The following FGF12 variants were observed in gnomAD, a reference collection of about 807,000 sequenced individuals.
FGF12 encodes the protein fibroblast growth factor 12.
FGF12 carries 14 observed loss-of-function variants against 23.6 expected under a neutral mutation model. That is an observed-to-expected ratio of 0.59 (90% CI 0.39 to 0.93). FGF12 has a LOEUF of 0.93. Ranked by LOEUF, FGF12 falls within the 40% of genes least tolerant of loss-of-function variation. The pLI is 0.00. For missense variants in FGF12, 175 were observed against 217.8 expected, an observed-to-expected ratio of 0.80 and a Z score of 1.24; for synonymous variants, 62 against 77.3, an observed-to-expected ratio of 0.80 and a Z score of 1.04.
Position 192,191,379 on chromosome 3 carries a change from G to C in FGF12, c.229-20723C>G, listed in dbSNP as rs145231757. Among the ~76,000 whole-genome samples the C allele has an allele frequency of 2.9e-3, 439 of 152,278 alleles. 2 individuals carry two copies. The highest frequency in any genetic ancestry group is 0.01 in the African/African-American group (421 of 41,532). Reference sequence around the variant, plus strand: ...ACCCTATTGTAAACTATTGACTTTGGTTGATAATGATATGTCAGTGCAGGG... The same window carrying C: ...ACCCTATTGTAAACTATTGACTTTGCTTGATAATGATATGTCAGTGCAGGG... On this transcript the variant is annotated intron_variant, in intron 4 of 5. Transcript: ENST00000445105.
intron 2 of FGF12, among the ~76,000 whole-genome samples, chr3:192,396,859 C>T (rs866404595): frequency 7.2e-5 from 11 of 152,164 alleles, no homozygotes; most frequent in Non-Finnish European, 2.9e-5. Flanking sequence ...AATGTAATTG[C>T]TGAGCATGAA....
At chr3:192,144,975 C>G (rs1329495668) in intron 5 of FGF12, among the ~76,000 whole-genome samples, 1 of 152,192 alleles carries the variant, frequency 6.6e-6, no homozygotes, top group East Asian at 1.9e-4. Flanking sequence ...TCAGGAGTTA[C>G]TTTTATCCTC....
chr3:192,154,626 G>T (rs1488098195), intron 5 of FGF12, among the ~76,000 whole-genome samples: 2 of 150,534 alleles, frequency 1.3e-5, no homozygotes, highest in East Asian at 3.9e-4. Context: ...TAGGCTGCTC[G>T]GGGGTCAGGG....
At position 192,336,194 on chromosome 3, in the gene FGF12, G is replaced by GCA. The variant is rs139964441; in HGVS notation, c.125-732_125-731dup. On this transcript the variant is annotated intron_variant, in intron 3 of 5. Transcript: ENST00000445105. The surrounding 1 kb of genome is among the most constrained non-coding windows in gnomAD (Gnocchi z 4.3). ...CAAATATATATACACATATATATAT[G>GCA]CACACACACACACATATACTCAAAA... 1.4e-5 allele frequency among the ~76,000 whole-genome samples: 2 copies of GCA among 143,746 alleles called. No individual in the cohort carries two copies. The highest frequency in any genetic ancestry group is 6.9e-5 in the Admixed American group (1 of 14,458). The allele number at this position is 143,746 out of a possible 152,430, so 94.3% of individuals were successfully genotyped here. A position where few individuals can be genotyped will look rare whatever the true frequency, so the allele number is the denominator to read the frequency against.
chr3:192,234,008 GTGTTCATCT>G, intron 4 of FGF12, among the ~76,000 whole-genome samples: 1 of 152,224 alleles, frequency 6.6e-6, no homozygotes, highest in South Asian at 2.1e-4. Flanking sequence ...GCCTCTGGCT[GTGTTCATCT>G]TGTTTAGGAT....
intron 2 of FGF12, among the ~76,000 whole-genome samples, chr3:192,647,943 C>T (rs572586352): frequency 1.3e-5 from 2 of 151,908 alleles, no homozygotes; most frequent in South Asian, 4.2e-4. Context: ...TTTGATAGGT[C>T]CCCACTTACA....
chr3:192,532,304 G>A (rs961720135), intron 2 of FGF12, among the ~76,000 whole-genome samples: 3 of 151,890 alleles, frequency 2.0e-5, no homozygotes, highest in East Asian at 1.9e-4. Context: ...ATGACCTTTC[G>A]ATGGGGATTG....
chr3:192,687,164 C>CAA (rs558366691), intron 2 of FGF12, among the ~76,000 whole-genome samples: 4,662 of 105,308 alleles, frequency 0.044, 284 homozygotes, highest in African/African-American at 0.15. Context: ...TCTCTCACAT[C>CAA]AAAAAAAAAA....
chr3:192,295,178 A>G (rs986224540), intron 4 of FGF12, among the ~76,000 whole-genome samples: 1 of 152,186 alleles, frequency 6.6e-6, no homozygotes, highest in African/African-American at 2.4e-5. Context: ...GACCTATCTA[A>G]GAGAACTGCC....
chr3:192,270,634 A>C lies in FGF12; in HGVS notation c.228+64727T>G, dbSNP rs895196553. On this transcript the variant is annotated intron_variant, in intron 4 of 5. Transcript: ENST00000445105. ...TCTTATACGTTATGTATCCTTCACT[A>C]TTTCAGCAAAGGTAAACTAAAATGA... Among the ~76,000 whole-genome samples, 6 of 152,260 alleles carry C rather than the reference A, an allele frequency of 3.9e-5. No homozygotes were observed. In the South Asian group the frequency reaches 1.0e-3, roughly 26 times the overall value.
intron 4 of FGF12, among the ~76,000 whole-genome samples, chr3:192,297,165 A>G (rs936803794): frequency 6.6e-6 from 1 of 152,340 alleles, no homozygotes; most frequent in Admixed American, 6.5e-5. Context: ...ATAATAAGAG[A>G]AAAACCTATT....
chr3:192,170,209 G>T (rs66487531), intron 5 of FGF12, among the ~76,000 whole-genome samples: 4 of 143,126 alleles, frequency 2.8e-5, no homozygotes, highest in South Asian at 2.3e-4. Flanking sequence ...CTCGAATCCG[G>T]GAGGAGGTTG....
chr3:192,586,539 A>G (rs1713380705), intron 2 of FGF12, among the ~76,000 whole-genome samples: 1 of 152,222 alleles, frequency 6.6e-6, no homozygotes. Context: ...TAATTAAATC[A>G]TTCCAAAATA....
At chr3:192,612,128 T>C (rs1446799058) in intron 2 of FGF12, among the ~76,000 whole-genome samples, 3 of 152,000 alleles carry the variant, frequency 2.0e-5, no homozygotes, top group Non-Finnish European at 1.5e-5. Context: ...AGGCCAGTTC[T>C]TGGCCACGAA....
At chr3:192,724,569 C>T (rs761417652) in intron 2 of FGF12, among the ~76,000 whole-genome samples, 5 of 152,122 alleles carry the variant, frequency 3.3e-5, no homozygotes, top group East Asian at 3.9e-4. Flanking sequence ...CAGAGCTGCT[C>T]GGACTGCGTA....
intron 3 of FGF12, among the ~76,000 whole-genome samples, chr3:192,352,552 T>A (rs1052894562): frequency 6.6e-6 from 1 of 152,256 alleles, no homozygotes; most frequent in Non-Finnish European, 1.5e-5. Context: ...TTCTTCCATA[T>A]AATAATAGCT....
intron 2 of FGF12, among the ~76,000 whole-genome samples, chr3:192,646,583 C>T (rs1716013990): frequency 6.6e-6 from 1 of 152,116 alleles, no homozygotes; most frequent in African/African-American, 2.4e-5. Context: ...CCCTTGAAAG[C>T]ACCACGTTCA....
chr3:192,505,475 T>C (rs1269980919), intron 2 of FGF12, among the ~76,000 whole-genome samples: 1 of 152,254 alleles, frequency 6.6e-6, no homozygotes, highest in African/African-American at 2.4e-5. Flanking sequence ...TTAATGTTTG[T>C]GTGATAACTT....
At chr3:192,624,123 A>G (rs1317908472) in intron 2 of FGF12, among the ~76,000 whole-genome samples, 1 of 152,106 alleles carries the variant, frequency 6.6e-6, no homozygotes, top group African/African-American at 2.4e-5. Context: ...AATTAGTGAA[A>G]TTTGCTAATA....
Sources: allele counts gnomAD v4.1 joint callset (sites outside exome capture counted in the v4.1 genomes callset), GRCh38; gene constraint gnomAD v4.1.1; non-coding constraint Gnocchi (gnomAD v3.1); transcripts MANE v1.5; gene names NCBI Gene and HGNC (gene_info 2026-07-23, HGNC 2026-07-21).